PIEZO1: variants seen among roughly 807,000 people sequenced by gnomAD.
The protein encoded by PIEZO1 is piezo-type mechanosensitive ion channel component 1.
PIEZO1 carries 296 observed loss-of-function variants against 297.2 expected under a neutral mutation model. The observed-to-expected ratio is 1.00, with a 90% CI of 0.91 to 1.10. The LOEUF (loss-of-function observed/expected upper bound fraction) is 1.10, where lower values mean the gene tolerates loss of function less well. Among genes scored for constraint, PIEZO1 ranks in the 50% least tolerant of loss-of-function variants. The probability of loss-of-function intolerance (pLI) is 0.00; values close to 1 mark genes in which losing one functional copy is unlikely to be tolerated. For synonymous variants in PIEZO1, 2,427 were observed against 1,507.5 expected (o/e 1.61, Z -14.13); for missense variants, 5,018 against 3,455.5 (o/e 1.45, Z -11.34).
chr16:88,749,475 G>A lies in PIEZO1; in HGVS notation c.69C>T (p.Cys23=). The A allele has an allele frequency of 6.6e-7, 1 of 1,525,792 alleles. No homozygotes were observed. The highest frequency in any genetic ancestry group is 2.0e-5 in the Admixed American group (1 of 49,700). 94.5% of individuals were successfully genotyped at this position (1,525,792 alleles called of 1,614,324 possible). Residue 23 remains cysteine, a synonymous_variant, in exon 2 of 51, where the codon TGC becomes TGT. Transcript: ENST00000301015. ...GCGAGAGTCCGCTGAAGCGGAGCAG[G>A]CAGGCTGCGGGGAGATGGGCGTTAA... ...LLLPCALLAA[C]LLRFSGLSLV...
At chr16:88,724,394 G>C (rs1212506443) in intron 30 of PIEZO1, among the ~76,000 whole-genome samples, 1 of 152,152 alleles carries the variant, frequency 6.6e-6, no homozygotes, top group Non-Finnish European at 1.5e-5. Context: ...AGCTGGGCGT[G>C]GTGGCGGGCA....
chr16:88,759,845 G>C (rs78460328), intron 1 of PIEZO1, among the ~76,000 whole-genome samples: 2 of 152,130 alleles, frequency 1.3e-5, no homozygotes, highest in African/African-American at 2.4e-5. Context: ...CCACCCCAGA[G>C]TGCCAGCACA....
intron 1 of PIEZO1, among the ~76,000 whole-genome samples, chr16:88,757,958 G>C (rs778107690): frequency 2.0e-5 from 3 of 152,156 alleles, no homozygotes; most frequent in Non-Finnish European, 4.4e-5. Context: ...GCCACAGAAA[G>C]GCCTGGCTGG....
intron 1 of PIEZO1, among the ~76,000 whole-genome samples, chr16:88,755,653 T>C (rs1382344238): frequency 6.6e-6 from 1 of 152,260 alleles, no homozygotes; most frequent in East Asian, 1.9e-4. Context: ...TCCTTCAGTA[T>C]CTGGGGGTTG....
At chr16:88,720,910 G>C (rs576351518) in intron 39 of PIEZO1, among the ~76,000 whole-genome samples, 162 bp from the exon 40 acceptor site, 16 of 152,298 alleles carry the variant, frequency 1.1e-4, no homozygotes, top group African/African-American at 3.6e-4. Flanking sequence ...CTGGGGCTGT[G>C]TCCTCTGTCT....
chr16:88,732,968 G>C, intron 19 of PIEZO1: 1 of 586,544 alleles, frequency 1.7e-6, no homozygotes, highest in East Asian at 2.8e-5. Context: ...GGAGGGATGT[G>C]CGAGAAGGTC....
In PIEZO1 at chr16:88,722,898, T is replaced by G; in HGVS notation, c.4607A>C (p.His1536Pro). Residue 1536 changes from histidine (H) to proline (P), a missense_variant, in exon 34 of 51, where the codon CAC becomes CCC. Transcript: ENST00000301015. Reference sequence around the variant, plus strand: ...CCGCAGCACGTCGCTCATGGTGCCGTGGTGCCGGGTGAACTCCTGCAGCCA... The same window carrying G: ...CCGCAGCACGTCGCTCATGGTGCCGGGGTGCCGGGTGAACTCCTGCAGCCA... ...TRWLQEFTRH[H>P]GTMSDVLRAE... The G allele has an allele frequency of 6.5e-7, 1 of 1,549,194 alleles. No homozygotes were observed. The highest frequency in any genetic ancestry group is 1.2e-5 in the South Asian group (1 of 84,062).
At chr16:88,764,719 C>T (rs1907091237) in intron 1 of PIEZO1, among the ~76,000 whole-genome samples, 2 of 150,486 alleles carry the variant, frequency 1.3e-5, no homozygotes, top group South Asian at 4.2e-4. Context: ...CCACTGCACT[C>T]CAGCCTGGGC....
intron 1 of PIEZO1, among the ~76,000 whole-genome samples, chr16:88,783,565 C>T (rs1029615016): frequency 6.6e-6 from 1 of 152,198 alleles, no homozygotes; most frequent in Non-Finnish European, 1.5e-5. Flanking sequence ...CAGCTCTAGA[C>T]TCTGCCTCTG....
At position 88,734,061 on chromosome 16, in the gene PIEZO1, G is replaced by A. The variant is rs373528240; in HGVS notation, c.2181-7C>T. 4.5e-5 allele frequency: 67 copies of A among 1,500,864 alleles called. No individual in the cohort carries two copies. The East Asian group carries it at 1.5e-3, about 33-fold the overall frequency. 93.0% of individuals were successfully genotyped at this position (1,500,864 alleles called of 1,614,324 possible). A position where few individuals can be genotyped will look rare whatever the true frequency, so the allele number is the denominator to read the frequency against. Reference sequence around the variant, plus strand: ...CCCACTCACTGCATCCTGCCTGGGAGAGGGTCCGAAAATGTCATCTCCCAA... The same window carrying A: ...CCCACTCACTGCATCCTGCCTGGGAAAGGGTCCGAAAATGTCATCTCCCAA... On this transcript the variant is annotated splice_polypyrimidine_tract_variant and splice_region_variant and intron_variant, in intron 16 of 50. Coordinates refer to ENST00000301015, the MANE Select transcript of PIEZO1 (RefSeq NM_001142864.4).
At chr16:88,738,532 A>G (rs1327819751) in intron 6 of PIEZO1, 36 bp downstream of exon 6, 4 of 1,530,756 alleles carry the variant, frequency 2.6e-6, no homozygotes, top group African/African-American at 2.7e-5. Flanking sequence ...GACCCCTCCC[A>G]GTGTGACTGC....
Position 88,726,705 on chromosome 16 carries a change from G to T in PIEZO1, c.3699+10C>A. ...CCAGGGCGGTGGGTGCGGGGGGGCCGGAGGCTCACCGACAGCATGTTCTTG... is the reference window on the plus strand; with the variant it reads ...CCAGGGCGGTGGGTGCGGGGGGGCCTGAGGCTCACCGACAGCATGTTCTTG... On this transcript the variant is annotated intron_variant, in intron 25 of 50. Transcript: ENST00000301015. 1 of 1,548,994 alleles carries T rather than the reference G, an allele frequency of 6.5e-7. No homozygotes were observed. Among genetic ancestry groups the T allele is most frequent in the Non-Finnish European group, 8.7e-7 (1 of 1,146,012 alleles).
rs1331543132 is a variant in PIEZO1 at position 88,719,830 on chromosome 16, T to G, written c.6295A>C (p.Asn2099His). ...TGGAAGAGGAAGAGGTTGAGATGAT[T>G]GTACTTCTTGGTGAGGAAGTTGCCG... ...ILGNFLTKKY[N>H]HLNLFLFQGF... Residue 2099 changes from asparagine to histidine, a missense_variant, in exon 43 of 51, where the codon AAT (asparagine) becomes CAT (histidine). Asn to His is a moderately conservative substitution (Grantham distance 68). Coordinates refer to ENST00000301015, the MANE Select transcript of PIEZO1 (RefSeq NM_001142864.4). 5 of 1,550,434 alleles carry G rather than the reference T, an allele frequency of 3.2e-6. No individual in the cohort carries two copies.
chr16:88,747,281 C>T (rs1422907787), intron 2 of PIEZO1, among the ~76,000 whole-genome samples: 2 of 151,306 alleles, frequency 1.3e-5, no homozygotes, highest in Non-Finnish European at 2.9e-5. Context: ...TAGTCTCGGC[C>T]GAGGTGGGCA....
rs1356282619 is a variant in PIEZO1, at chr16:88,722,637, T to G, written c.4721A>C (p.Glu1574Ala). 1 of 1,538,490 alleles carries G rather than the reference T, an allele frequency of 6.5e-7. No individual in the cohort carries two copies. Among genetic ancestry groups the G allele is most frequent in the South Asian group, 1.2e-5 (1 of 84,026 alleles). Residue 1574 changes from glutamate (E) to alanine (A), a missense_variant, in exon 35 of 51, where the codon GAG (glutamate) becomes GCG (alanine). Glu to Ala is a moderately radical substitution (Grantham distance 107). Coordinates refer to ENST00000301015, the MANE Select transcript of PIEZO1 (RefSeq NM_001142864.4). ...VLDQLYTSQA[E>A]ATLPGPTEAP... ...CTCGGTGGGGCCTGGCAGCGTGGCCTCGGCCTGGCTTGTGTACAGCTGATC... is the reference window on the plus strand; with the variant it reads ...CTCGGTGGGGCCTGGCAGCGTGGCCGCGGCCTGGCTTGTGTACAGCTGATC...
At chr16:88,762,863 G>A (rs1000784104) in intron 1 of PIEZO1, among the ~76,000 whole-genome samples, 3 of 152,186 alleles carry the variant, frequency 2.0e-5, no homozygotes, top group African/African-American at 7.2e-5. Context: ...TCGGCCAGCA[G>A]CTATGAGTTC....
chr16:88,757,360 G>A (rs763677024), intron 1 of PIEZO1, among the ~76,000 whole-genome samples: 15 of 144,816 alleles, frequency 1.0e-4, no homozygotes, highest in Non-Finnish European at 1.4e-4. Flanking sequence ...CTGCTTTCCC[G>A]TGTGGTTAAA....
chr16:88,763,024 G>A (rs1361025720), intron 1 of PIEZO1, among the ~76,000 whole-genome samples: 5 of 152,226 alleles, frequency 3.3e-5, no homozygotes, highest in Admixed American at 1.3e-4. Flanking sequence ...GGGGTAGCCC[G>A]TCCAGAGGGT....
Position 88,733,721 on chromosome 16 carries a change from G to C in PIEZO1, c.2354C>G (p.Ala785Gly). Residue 785 changes from alanine (A) to glycine (G), a missense_variant, in exon 18 of 51, where the codon GCT becomes GGT. Ala to Gly is a moderately conservative substitution (Grantham distance 60). Coordinates refer to ENST00000301015, the MANE Select transcript of PIEZO1 (RefSeq NM_001142864.4). ...PEGAAKWGLVAERLLELAAGF... is the reference protein window; with the variant it reads ...PEGAAKWGLVGERLLELAAGF... ...GGCTGCCAGCTCCAGCAGCCGCTCA[G>C]CCACCAGGCCCCACTTGGCTGCCCC... 6.5e-7 allele frequency: 1 copy of C among 1,547,330 alleles called. No individual in the cohort carries two copies. The highest frequency in any genetic ancestry group is 8.7e-7 in the Non-Finnish European group (1 of 1,145,218).
Sources: gnomAD v4.1 joint callset for allele counts (sites outside exome capture counted in the v4.1 genomes callset) on GRCh38, gnomAD v4.1.1 for gene constraint, MANE v1.5 for transcripts, NCBI Gene and HGNC (gene_info 2026-07-23, HGNC 2026-07-21) for gene names.